Variants in ADCY9 observed in about 807,000 individuals in gnomAD.
ADCY9 encodes the protein adenylate cyclase 9, also known as adenylate cyclase type 9.
Under a neutral mutation model 101.5 loss-of-function variants are expected in ADCY9, and 50 were observed. The ratio of observed to expected loss-of-function variants is 0.49; its 90% CI spans 0.39 to 0.62. ADCY9 has a LOEUF of 0.62. Ranked by LOEUF, ADCY9 falls within the 20% of genes least tolerant of loss-of-function variation. ADCY9 has a pLI of 0.00. For missense variants in ADCY9, 1,662 were observed against 1,800.4 expected (o/e 0.92, Z 1.39); for synonymous variants, 905 against 769.3 (o/e 1.18, Z -2.92).
chr16:4,074,495 G>C (rs966625954), intron 2 of ADCY9, among the ~76,000 whole-genome samples: 1 of 148,702 alleles, frequency 6.7e-6, no homozygotes, highest in African/African-American at 2.5e-5. Context: ...AGGAGTTCAA[G>C]ACCACGCTGG....
At position 3,992,252 on chromosome 16, in the gene ADCY9, T is replaced by G. The variant is rs1307408576; in HGVS notation, c.2101A>C (p.Arg701=). ...SLCEILQEKG[R]WAGVSLDQSA... is the part of the protein sequence containing the mutation. ...TGGTCCAGGCTCACCCCTGCCCACC[T>G]TCCCTTCTCCTGCAAGATCTCACAC... Residue 701 remains arginine, a synonymous_variant, in exon 5 of 11, where the codon AGG becomes CGG. Coordinates refer to ENST00000294016, the MANE Select transcript of ADCY9 (RefSeq NM_001116.4). This position sits in a 1 kb window ranked among gnomAD's most constrained non-coding sequence, Gnocchi z 4.2. 1.6e-5 allele frequency: 26 copies of G among 1,614,068 alleles called. No individual in the cohort carries two copies. Among genetic ancestry groups the G allele is most frequent in the Non-Finnish European group, 2.1e-5 (25 of 1,180,032 alleles).
intron 2 of ADCY9, among the ~76,000 whole-genome samples, chr16:4,059,344 G>A (rs1247440587): frequency 1.5e-5 from 2 of 137,842 alleles, no homozygotes; most frequent in African/African-American, 5.6e-5. Flanking sequence ...TCATGCCACT[G>A]CACTCCAGCC....
At chr16:4,085,797 G>A (rs749302191) in intron 2 of ADCY9, among the ~76,000 whole-genome samples, 15 of 152,018 alleles carry the variant, frequency 9.9e-5, no homozygotes, top group Non-Finnish European at 1.3e-4. Flanking sequence ...GGGCCCAGAC[G>A]TCTGTGTTTT....
chr16:3,993,646 G>A, intron 3 of ADCY9, 136 bp from the exon 4 acceptor site: 1 of 1,100,162 alleles, frequency 9.1e-7, no homozygotes, highest in Non-Finnish European at 1.3e-6. Context: ...GAACCGCTCG[G>A]GGATGAGCTG....
At chr16:4,095,181 T>C (rs1021822086) in intron 2 of ADCY9, among the ~76,000 whole-genome samples, 9 of 74,812 alleles carry the variant, frequency 1.2e-4, no homozygotes, top group African/African-American at 4.4e-4. Flanking sequence ...TTTGTATTTT[T>C]AGTAGAGACA....
At chr16:4,087,155 C>T (rs1164167818) in intron 2 of ADCY9, among the ~76,000 whole-genome samples, 1 of 152,050 alleles carries the variant, frequency 6.6e-6, no homozygotes, top group African/African-American at 2.4e-5. Flanking sequence ...TTTACCTGCA[C>T]CCCTCATGAA....
chr16:3,953,639 G>A (rs2055892946), intron 5 of ADCY9: 1 of 152,194 alleles, frequency 6.6e-6, no homozygotes, highest in Admixed American at 6.5e-5. Flanking sequence ...CTTTTGGAAT[G>A]GACGGATTCT....
intron 2 of ADCY9, among the ~76,000 whole-genome samples, chr16:4,027,924 T>C (rs1042263402): frequency 1.3e-5 from 2 of 151,832 alleles, no homozygotes; most frequent in Non-Finnish European, 2.9e-5. Context: ...GTGAGACTTA[T>C]TCACTATCAC....
rs563853826 is a variant in ADCY9, at chr16:4,000,564, G to C, written c.1884+6804C>G. Among the ~76,000 whole-genome samples, 4 of 152,290 alleles carry C rather than the reference G, an allele frequency of 2.6e-5. No individual in the cohort carries two copies. The East Asian group carries it at 7.7e-4, about 29-fold the overall frequency. ...ATAAGCAGTAATTATCACAGAAAAA[G>C]AAATTTTCTTACATCCCCAAAGCAG... On this transcript the variant is annotated intron_variant, in intron 3 of 10. Transcript: ENST00000294016.
rs370853116 is a variant in ADCY9 at position 3,993,465 on chromosome 16, C to T, written c.1930G>A (p.Gly644Ser). Residue 644 changes from glycine to serine, a missense_variant, in exon 4 of 11, where the codon GGC becomes AGC. Transcript: ENST00000294016. ...GITFAPKSEA[G>S]AEGGAPQNGC... The stretch of plus-strand genomic sequence containing the variant: ...TTTTGAGGTGCTCCTCCCTCGGCGC[C>T]GGCTTCAGATTTGGGAGCAAATGTG... 29 of 1,614,190 alleles carry T rather than the reference C, an allele frequency of 1.8e-5. No individual in the cohort carries two copies. The highest frequency in any genetic ancestry group is 4.4e-5 in the South Asian group (4 of 91,082).
chr16:4,007,462 G>A lies in ADCY9; in HGVS notation c.1790C>T (p.Ser597Leu). 1.2e-6 allele frequency: 2 copies of A among 1,614,092 alleles called. No individual in the cohort carries two copies. Among genetic ancestry groups the A allele is most frequent in the Non-Finnish European group, 1.7e-6 (2 of 1,180,028 alleles). The change falls in exon 3 of 11, where the codon TCA becomes TTA. Residue 597 changes from serine to leucine, a missense_variant. Coordinates refer to ENST00000294016, the MANE Select transcript of ADCY9 (RefSeq NM_001116.4). ...LLSGFEVIDG[S>L]QVSSGPRGQG... Reference sequence around the variant, plus strand: ...TCCCCTAGGGCCTGAGGACACCTGTGAGCCGTCAATGACCTCAAAGCCAGA... The same window carrying A: ...TCCCCTAGGGCCTGAGGACACCTGTAAGCCGTCAATGACCTCAAAGCCAGA...
chr16:3,982,993 G>A (rs1263318321), intron 7 of ADCY9: 28 of 557,614 alleles, frequency 5.0e-5, no homozygotes, highest in Non-Finnish European at 3.8e-5. Context: ...AGCTGGCAGC[G>A]GTTGGGGCTG....
Position 4,027,737 on chromosome 16 carries a change from T to C in ADCY9, c.1694-20179A>G, listed in dbSNP as rs1253518434. Among the ~76,000 whole-genome samples the C allele has an allele frequency of 1.6e-4, 25 of 151,812 alleles. No homozygotes were observed. In the East Asian group the frequency reaches 4.5e-3, roughly 27 times the overall value. On this transcript the variant is annotated intron_variant, in intron 2 of 10. Coordinates refer to ENST00000294016, the MANE Select transcript of ADCY9 (RefSeq NM_001116.4). ...ACTAGTAAAACAAAAATTAGCTGGGTGTGGTGGTCCATGCCTGTAATCCCA... is the reference window on the plus strand; with the variant it reads ...ACTAGTAAAACAAAAATTAGCTGGGCGTGGTGGTCCATGCCTGTAATCCCA...
chr16:4,087,651 C>G (rs1177096969), intron 2 of ADCY9, among the ~76,000 whole-genome samples: 1 of 151,732 alleles, frequency 6.6e-6, no homozygotes, highest in African/African-American at 2.4e-5. Flanking sequence ...ACACTCAGTC[C>G]CTCGTGGGAT....
At chr16:3,982,240 C>T (rs1021311101) in intron 7 of ADCY9, 1 of 152,414 alleles carries the variant, frequency 6.6e-6, no homozygotes, top group African/African-American at 2.4e-5. Flanking sequence ...GCCTGCCCAC[C>T]CCAGATGGGA....
At chr16:4,112,638 C>T (rs549120467) in intron 2 of ADCY9, among the ~76,000 whole-genome samples, 1 of 152,064 alleles carries the variant, frequency 6.6e-6, no homozygotes, top group East Asian at 1.9e-4. Context: ...CGAGGATTCC[C>T]TTTCCTGAGG....
At chr16:3,980,357 C>G (rs1032480863) in intron 7 of ADCY9, among the ~76,000 whole-genome samples, 1 of 152,182 alleles carries the variant, frequency 6.6e-6, no homozygotes, top group Non-Finnish European at 1.5e-5. Flanking sequence ...CAGGTCTTGG[C>G]TGAGTCCAAG....
chr16:4,073,491 G>A (rs2056847909), intron 2 of ADCY9, among the ~76,000 whole-genome samples: 1 of 151,790 alleles, frequency 6.6e-6, no homozygotes, highest in East Asian at 1.9e-4. Flanking sequence ...CACCTCCTGG[G>A]TTCAAATGAC....
intron 2 of ADCY9, among the ~76,000 whole-genome samples, chr16:4,028,003 T>G (rs1490008739): frequency 6.6e-6 from 1 of 152,016 alleles, no homozygotes; most frequent in East Asian, 1.9e-4. Context: ...CCACAACATG[T>G]GGGAATTGTG....
Sources: gnomAD v4.1 joint callset for allele counts (sites outside exome capture counted in the v4.1 genomes callset) on GRCh38, gnomAD v4.1.1 for gene constraint, Gnocchi (gnomAD v3.1) non-coding constraint, MANE v1.5 for transcripts, NCBI Gene and HGNC (gene_info 2026-07-23, HGNC 2026-07-21) for gene names.